SMCO2: variants seen among roughly 807,000 people sequenced by gnomAD.
SMCO2 encodes single-pass membrane and coiled-coil domain-containing protein 2.
A neutral mutation model predicts 29.5 loss-of-function variants in SMCO2; 25 were observed. The ratio of observed to expected loss-of-function variants is 0.85; its 90% CI spans 0.62 to 1.18. SMCO2 has a LOEUF of 1.18. Among genes scored for constraint, SMCO2 ranks in the 50% most tolerant of loss-of-function variants. The pLI is 0.00. For synonymous variants in SMCO2, 117 were observed against 123.3 expected, an observed-to-expected ratio of 0.95 and a Z score of 0.34; for missense variants, 348 against 344.5, an observed-to-expected ratio of 1.01 and a Z score of -0.08.
chr12:27,494,211 A>G lies in SMCO2; in HGVS notation c.451-89A>G, dbSNP rs977712826. ...AAAGTAAACTTCAATGAAGCATTTTATAAGGTTTGTCAAAATAAGTGAGAT... is the reference window on the plus strand; with the variant it reads ...AAAGTAAACTTCAATGAAGCATTTTGTAAGGTTTGTCAAAATAAGTGAGAT... On this transcript the variant is annotated intron_variant, in intron 5 of 7. Transcript: ENST00000298876. 4.9e-6 allele frequency: 4 copies of G among 811,850 alleles called. No individual in the cohort carries two copies. In the African/African-American group the frequency reaches 5.5e-5, roughly 11 times the overall value. The allele number at this position is 811,850 out of a possible 1,614,324, so 50.3% of individuals were successfully genotyped here.
At chr12:27,470,664 A>G in exon 2 of SMCO2, 1 of 1,551,232 alleles carries the variant, frequency 6.4e-7, no homozygotes. Flanking sequence ...TAAATAACAA[A>G]ATGTCTCTGC....
intron 5 of SMCO2, among the ~76,000 whole-genome samples, chr12:27,493,490 A>G (rs562828702): frequency 6.6e-6 from 1 of 152,094 alleles, no homozygotes; most frequent in East Asian, 1.9e-4. Flanking sequence ...CCATGATCAC[A>G]CCACTGCACT....
chr12:27,449,571 G>A, the SMCO2 span, among the ~76,000 whole-genome samples: 1 of 152,210 alleles, frequency 6.6e-6, no homozygotes, highest in African/African-American at 2.4e-5. Context: ...CAGAGAAAAT[G>A]TGGTTGAAAA....
At chr12:27,470,881 T>A in intron 2 of SMCO2, 116 bp downstream of exon 2, 1 of 1,184,858 alleles carries the variant, frequency 8.4e-7, no homozygotes, top group African/African-American at 1.5e-5. Flanking sequence ...TTGACAGTCT[T>A]CACTATAATT....
chr12:27,426,442 A>G, the SMCO2 span, among the ~76,000 whole-genome samples: 2 of 152,304 alleles, frequency 1.3e-5, no homozygotes, highest in East Asian at 3.9e-4. Context: ...GAGAAAGCTG[A>G]GATGAGCGGC....
intron 1 of SMCO2, among the ~76,000 whole-genome samples, chr12:27,468,633 A>G (rs762479240): frequency 2.6e-4 from 40 of 152,356 alleles, no homozygotes; most frequent in Admixed American, 8.5e-4. Flanking sequence ...CAAATAGTGT[A>G]GAGAACATTT....
chr12:27,475,738 G>A lies in SMCO2; in HGVS notation c.362+825G>A. 3 of 1,540,716 alleles carry A rather than the reference G, an allele frequency of 1.9e-6. No individual in the cohort carries two copies. Among genetic ancestry groups the A allele is most frequent in the Non-Finnish European group, 2.6e-6 (3 of 1,142,940 alleles). ...CAGAAAACACAGTGAAGAGGTAATT[G>A]TAGGGTGTTGGGGTTGGTCATAAAA... On this transcript the variant is annotated intron_variant, in intron 4 of 7. Transcript: ENST00000298876.
At chr12:27,434,302 G>C in the SMCO2 span, among the ~76,000 whole-genome samples, 1 of 152,124 alleles carries the variant, frequency 6.6e-6, no homozygotes, top group Non-Finnish European at 1.5e-5. Flanking sequence ...ACATGTAATA[G>C]GCCCTCTACG....
chr12:27,495,019 A>C (rs1411396604), intron 6 of SMCO2, among the ~76,000 whole-genome samples: 1 of 152,060 alleles, frequency 6.6e-6, no homozygotes, highest in East Asian at 1.9e-4. Context: ...ATTACCTCAA[A>C]AAATAACTCC....
At chr12:27,449,621 G>A in the SMCO2 span, among the ~76,000 whole-genome samples, 2 of 152,172 alleles carry the variant, frequency 1.3e-5, no homozygotes, top group Admixed American at 1.3e-4. Context: ...CACACCCAAG[G>A]ATTTATACAG....
At chr12:27,470,693 A>C in exon 2 of SMCO2, 1 of 1,551,310 alleles carries the variant, frequency 6.4e-7, no homozygotes, top group Non-Finnish European at 8.7e-7. Context: ...ATGGACTGCC[A>C]GGAACAACAG....
At chr12:27,492,205 G>A (rs1042554713) in intron 5 of SMCO2, among the ~76,000 whole-genome samples, 3 of 151,986 alleles carry the variant, frequency 2.0e-5, no homozygotes, top group African/African-American at 7.3e-5. Context: ...ATGGCACTTA[G>A]CGTATTTTCT....
At chr12:27,487,957 T>C (rs1404284150) in intron 4 of SMCO2, among the ~76,000 whole-genome samples, 4 of 152,118 alleles carry the variant, frequency 2.6e-5, no homozygotes, top group African/African-American at 9.6e-5. Flanking sequence ...TGAGCTTTTT[T>C]TGAGATTTTT....
At chr12:27,433,425 G>A in the SMCO2 span, among the ~76,000 whole-genome samples, 1 of 152,022 alleles carries the variant, frequency 6.6e-6, no homozygotes, top group East Asian at 1.9e-4. Context: ...TCTTAAGGGA[G>A]GGGGCTACCT....
chr12:27,459,288 C>G, the SMCO2 span, among the ~76,000 whole-genome samples: 2 of 151,466 alleles, frequency 1.3e-5, no homozygotes, highest in South Asian at 4.1e-4. Flanking sequence ...TAACAAAGAA[C>G]GAGATCATTC....
At chr12:27,492,098 C>T (rs556116553) in intron 5 of SMCO2, among the ~76,000 whole-genome samples, 7 of 152,070 alleles carry the variant, frequency 4.6e-5, no homozygotes, top group East Asian at 1.9e-4. Flanking sequence ...ACACAATGAA[C>T]GTTTTAGTAT....
At chr12:27,438,025 G>A in the SMCO2 span, among the ~76,000 whole-genome samples, 1 of 152,030 alleles carries the variant, frequency 6.6e-6, no homozygotes, top group African/African-American at 2.4e-5. Context: ...CTACACTCCC[G>A]GGCTTCCTGC....
chr12:27,450,565 T>C, the SMCO2 span, among the ~76,000 whole-genome samples: 1 of 152,210 alleles, frequency 6.6e-6, no homozygotes, highest in Non-Finnish European at 1.5e-5. Context: ...AAGCCATACT[T>C]CAGGACTGGT....
chr12:27,481,706 T>G (rs1035417638), intron 4 of SMCO2, among the ~76,000 whole-genome samples: 1 of 152,226 alleles, frequency 6.6e-6, no homozygotes, highest in South Asian at 2.1e-4. Flanking sequence ...ATTCAGGATA[T>G]ATTGCTAAAG....
Sources: gnomAD v4.1 joint callset for allele counts (sites outside exome capture counted in the v4.1 genomes callset) on GRCh38, gnomAD v4.1.1 for gene constraint, MANE v1.5 for transcripts, NCBI Gene and HGNC (gene_info 2026-07-23, HGNC 2026-07-21) for gene names.